LUZP1: variants seen among roughly 807,000 people sequenced by gnomAD.
LUZP1 encodes filamin mechanobinding actin cross-linking protein.
LUZP1 carries 25 observed loss-of-function variants against 71.3 expected under a neutral mutation model. That is an observed-to-expected ratio of 0.35 (90% CI 0.26 to 0.49). The LOEUF (loss-of-function observed/expected upper bound fraction) is 0.49. Among genes scored for constraint, LUZP1 ranks in the 20% least tolerant of loss-of-function variants. The pLI, the probability that LUZP1 is intolerant of heterozygous loss-of-function variation, is 0.99. For synonymous variants in LUZP1, 481 were observed against 506.4 expected, an observed-to-expected ratio of 0.95 and a Z score of 0.67; for missense variants, 1,142 against 1,300.8, an observed-to-expected ratio of 0.88 and a Z score of 1.88.
rs878904777 is a variant in LUZP1, at chr1:23,090,958, G to T, written c.3072+232C>A. The T allele has an allele frequency of 1.8e-4, 128 of 718,510 alleles. No homozygotes were observed. In the South Asian group the frequency reaches 1.9e-3, roughly 11 times the overall value. The allele number at this position is 718,510 out of a possible 1,614,324, so 44.5% of individuals were successfully genotyped here. ...TTTTATGTCACCTTCATATACGAGAGCAAAATGAAGACAACAAATTGGAAA... is the reference window on the plus strand; with the variant it reads ...TTTTATGTCACCTTCATATACGAGATCAAAATGAAGACAACAAATTGGAAA... On this transcript the variant is annotated intron_variant, in intron 4 of 4. Coordinates refer to ENST00000302291, the Ensembl canonical transcript of LUZP1.
chr1:23,151,710 A>C (rs1369932212), intron 2 of LUZP1, among the ~76,000 whole-genome samples: 1 of 152,172 alleles, frequency 6.6e-6, no homozygotes, highest in Non-Finnish European at 1.5e-5. Context: ...ATGCTTAAGA[A>C]ATGGTAGATA....
rs1264285120 is a variant in LUZP1 at position 23,092,052 on chromosome 1, C to G, written c.2210G>C (p.Gly737Ala). ...GCTAAAGGGCCTTTGGCTTTTTACC[C>G]CAGCACCATTGGTATCTGGGAGCTC... is the stretch of plus-strand genomic sequence containing the variant. Residue 737 changes from glycine (G) to alanine (A), a missense_variant, in exon 4 of 5, where the codon GGG (glycine) becomes GCG (alanine). Physicochemically the swap from Gly to Ala is moderately conservative, Grantham distance 60 (BLOSUM62 0). Transcript: ENST00000302291. 3 of 1,614,060 alleles carry G rather than the reference C, an allele frequency of 1.9e-6. No homozygotes were observed. In the South Asian group the frequency reaches 3.3e-5, roughly 18 times the overall value.
chr1:23,142,139 T>C (rs1270144570), intron 2 of LUZP1, among the ~76,000 whole-genome samples: 2 of 151,274 alleles, frequency 1.3e-5, no homozygotes, highest in Non-Finnish European at 3.0e-5. Flanking sequence ...AGCCACCGCA[T>C]CCGGCAAAAG....
chr1:23,136,269 G>A (rs1211905891), intron 2 of LUZP1, among the ~76,000 whole-genome samples: 1 of 150,648 alleles, frequency 6.6e-6, no homozygotes, highest in Non-Finnish European at 1.5e-5. Context: ...CACTTTGGGA[G>A]GCTGAGGCGG....
chr1:23,107,207 C>A (rs527552726), intron 3 of LUZP1, among the ~76,000 whole-genome samples: 8 of 152,318 alleles, frequency 5.3e-5, no homozygotes, highest in African/African-American at 1.7e-4. Context: ...TCCTTGATTG[C>A]TGTACATAAA....
At position 23,094,408 on chromosome 1, in the gene LUZP1, AG is replaced by A. The variant is rs1428181164; in HGVS notation, c.-119-29del. On this transcript the variant is annotated intron_variant, in intron 3 of 4. Transcript: ENST00000302291. This position sits in a 1 kb window ranked among gnomAD's most constrained non-coding sequence, Gnocchi z 4.7. The stretch of plus-strand genomic sequence containing the variant: ...ACAAAAGGAAAGTAGAAAGCATGTC[AG>A]TCAGCAAATGTAAAACCTGCACGTT... The A allele has an allele frequency of 1.4e-6, 2 of 1,410,034 alleles. No homozygotes were observed. Among genetic ancestry groups the A allele is most frequent in the Non-Finnish European group, 1.8e-6 (2 of 1,087,510 alleles). 87.3% of individuals were successfully genotyped at this position (1,410,034 alleles called of 1,614,324 possible).
At chr1:23,129,450 G>A (rs1310561821) in intron 2 of LUZP1, among the ~76,000 whole-genome samples, 2 of 152,054 alleles carry the variant, frequency 1.3e-5, no homozygotes, top group Non-Finnish European at 2.9e-5. Flanking sequence ...GCGTGGAGGC[G>A]CATGCCTGTA....
In LUZP1 at chr1:23,166,653, C is replaced by CAAAAA. The variant is rs538327046; in HGVS notation, c.-226+2108_-226+2112dup. Among the ~76,000 whole-genome samples the CAAAAA allele has an allele frequency of 4.9e-4, 35 of 70,900 alleles. 1 individual carries two copies. The highest frequency in any genetic ancestry group is 1.5e-3 in the African/African-American group (31 of 20,200). The allele number at this position is 70,900 out of a possible 152,430, so 46.5% of individuals were successfully genotyped here. A position where few individuals can be genotyped will look rare whatever the true frequency, so the allele number is the denominator to read the frequency against. On this transcript the variant is annotated intron_variant, in intron 2 of 4. Transcript: ENST00000302291. ...CTGGGTGACACAGAGCACTCCGTCTCAAAAAAAAAAAAAAAAAAAAAAAAG... is the reference window on the plus strand; with the variant it reads ...CTGGGTGACACAGAGCACTCCGTCTCAAAAAAAAAAAAAAAAAAAAAAAAAAAAAG...
At chr1:23,143,140 C>G (rs1460730106) in intron 2 of LUZP1, among the ~76,000 whole-genome samples, 2 of 152,024 alleles carry the variant, frequency 1.3e-5, no homozygotes, top group Admixed American at 1.3e-4. Context: ...TCCAGGGTAG[C>G]TGGGATTTCA....
intron 2 of LUZP1, among the ~76,000 whole-genome samples, chr1:23,110,784 G>A (rs1224633275): frequency 6.6e-6 from 1 of 152,120 alleles, no homozygotes; most frequent in African/African-American, 2.4e-5. Flanking sequence ...CAAGCCTCAA[G>A]AGAATAAAAT....
At chr1:23,173,932 A>G (rs545367675) in intron 1 of LUZP1, among the ~76,000 whole-genome samples, 2 of 152,200 alleles carry the variant, frequency 1.3e-5, no homozygotes, top group Non-Finnish European at 2.9e-5. Context: ...GACACCTAAT[A>G]GAAGTCTCAG....
chr1:23,097,339 T>C (rs1468497529), intron 3 of LUZP1, among the ~76,000 whole-genome samples: 1 of 152,122 alleles, frequency 6.6e-6, no homozygotes, highest in Non-Finnish European at 1.5e-5. Context: ...GCAAGTAGAA[T>C]GGACTACAGG....
chr1:23,117,477 C>CTCTCCCTCTCT, intron 2 of LUZP1, among the ~76,000 whole-genome samples: 1 of 13,860 alleles, frequency 7.2e-5, no homozygotes, highest in Non-Finnish European at 1.2e-4. Context: ...CTCTCTCTCT[C>CTCTCCCTCTCT]CCCCCCCCCC....
chr1:23,090,945 T>A (rs920830171), intron 4 of LUZP1: 4 of 718,460 alleles, frequency 5.6e-6, no homozygotes, highest in African/African-American at 1.7e-5. Context: ...TTATGTCACC[T>A]TCATATACGA....
chr1:23,151,334 G>A (rs893947951), intron 2 of LUZP1, among the ~76,000 whole-genome samples: 6 of 152,064 alleles, frequency 3.9e-5, no homozygotes, highest in Admixed American at 1.3e-4. Flanking sequence ...ATGAGCCACC[G>A]CACCCAGCCA....
At chr1:23,154,314 T>C (rs549246755) in intron 2 of LUZP1, among the ~76,000 whole-genome samples, 1 of 152,066 alleles carries the variant, frequency 6.6e-6, no homozygotes, top group South Asian at 2.1e-4. Flanking sequence ...GGAGGATCAT[T>C]TGAGGCCAAG....
chr1:23,177,026 C>T (rs1644586251), intron 1 of LUZP1, among the ~76,000 whole-genome samples: 2 of 151,616 alleles, frequency 1.3e-5, no homozygotes, highest in South Asian at 2.1e-4. Context: ...GGACTAGAAG[C>T]GTGTGCCACC....
In LUZP1 at chr1:23,138,693, GTGTGTATA is replaced by G. The variant is rs1234163201; in HGVS notation, c.-225-29574_-225-29567del. Reference sequence around the variant, plus strand: ...TGTGTGTGTGTGTGTGTGTGTGTGTGTGTGTATATATATATATATATAAATGAGGCCAG... The same window carrying G: ...TGTGTGTGTGTGTGTGTGTGTGTGTGTATATATATATATAAATGAGGCCAG... On this transcript the variant is annotated intron_variant, in intron 2 of 4. Transcript: ENST00000302291. Among the ~76,000 whole-genome samples, 621 of 107,224 alleles carry G rather than the reference GTGTGTATA, an allele frequency of 5.8e-3. 6 individuals are homozygous for G. Among genetic ancestry groups the G allele is most frequent in the African/African-American group, 0.032 (589 of 18,176 alleles). The allele number at this position is 107,224 out of a possible 152,430, so 70.3% of individuals were successfully genotyped here. A position where few individuals can be genotyped will look rare whatever the true frequency, so the allele number is the denominator to read the frequency against.
chr1:23,147,621 A>AAT (rs1490563902), intron 2 of LUZP1, among the ~76,000 whole-genome samples: 8 of 151,256 alleles, frequency 5.3e-5, no homozygotes, highest in African/African-American at 1.7e-4. Context: ...CCAAAAAAAA[A>AAT]AAAAAAAAAA....
Sources: gnomAD v4.1 joint callset for allele counts (sites outside exome capture counted in the v4.1 genomes callset) on GRCh38, gnomAD v4.1.1 for gene constraint, Gnocchi (gnomAD v3.1) non-coding constraint, MANE v1.5 for transcripts, NCBI Gene and HGNC (gene_info 2026-07-23, HGNC 2026-07-21) for gene names.